The following CFAP299 variants were observed in gnomAD, a reference collection of about 807,000 sequenced individuals.
CFAP299 encodes the protein cilia and flagella associated protein 299, also known as cilia- and flagella-associated protein 299.
CFAP299 carries 21 observed loss-of-function variants against 27.0 expected under a neutral mutation model. The ratio of observed to expected loss-of-function variants is 0.78; its 90% CI spans 0.55 to 1.12. CFAP299 has a LOEUF of 1.12. CFAP299 is among the 50% of genes most tolerant of loss of function. The pLI is 0.00. For missense variants in CFAP299, 310 were observed against 276.6 expected, an observed-to-expected ratio of 1.12 and a Z score of -0.86; for synonymous variants, 104 against 98.1, an observed-to-expected ratio of 1.06 and a Z score of -0.36.
chr4:80,570,272 A>C lies in CFAP299; in HGVS notation c.243-12821A>C, dbSNP rs186370409. 1.2e-3 allele frequency among the ~76,000 whole-genome samples: 181 copies of C among 152,138 alleles called. 1 individual carries two copies. Among genetic ancestry groups the C allele is most frequent in the Middle Eastern group, 3.4e-3 (1 of 294 alleles). On this transcript the variant is annotated intron_variant, in intron 2 of 5. Coordinates refer to ENST00000358105, the MANE Select transcript of CFAP299 (RefSeq NM_152770.3). ...GGAAAAAAGTCTATAACAATGAATA[A>C]TTTTGATATATTGGTATATATTCAA...
intron 2 of CFAP299, among the ~76,000 whole-genome samples, chr4:80,552,503 T>G (rs1364851932): frequency 2.0e-5 from 3 of 152,176 alleles, no homozygotes; most frequent in African/African-American, 7.2e-5. Context: ...GAGTGGTTTA[T>G]TTTATTATCT....
chr4:80,427,813 A>G (rs561970419), intron 2 of CFAP299, among the ~76,000 whole-genome samples: 186 of 152,354 alleles, frequency 1.2e-3, no homozygotes, highest in African/African-American at 4.2e-3. Context: ...TCAACTGCCT[A>G]TAATGCTTAG....
rs540334355 is a variant in CFAP299 at position 80,898,421 on chromosome 4, G to T, written c.476+28286G>T. On this transcript the variant is annotated intron_variant, in intron 4 of 5. Transcript: ENST00000358105. ...CAAACTTAGTCTCTAATATCCAGCT[G>T]CTTCTCCTTCCTCTGCCAGCTGAAC... is the stretch of plus-strand genomic sequence containing the variant. Among the ~76,000 whole-genome samples the T allele has an allele frequency of 3.9e-5, 6 of 152,084 alleles. No homozygotes were observed. In the South Asian group the frequency reaches 1.0e-3, roughly 26 times the overall value.
At chr4:80,889,592 G>A (rs1428198924) in intron 4 of CFAP299, among the ~76,000 whole-genome samples, 3 of 151,952 alleles carry the variant, frequency 2.0e-5, no homozygotes, top group Non-Finnish European at 4.4e-5. Flanking sequence ...GTGAAAAATA[G>A]AGGAAGACAG....
chr4:80,811,485 A>C (rs1729150412), intron 3 of CFAP299, among the ~76,000 whole-genome samples: 3 of 152,142 alleles, frequency 2.0e-5, no homozygotes, highest in South Asian at 4.1e-4. Flanking sequence ...TTGAGCTGTT[A>C]ATAATTAGTG....
intron 2 of CFAP299, among the ~76,000 whole-genome samples, chr4:80,562,693 T>TAATAATAACAAC (rs574418448): frequency 7.8e-6 from 1 of 128,606 alleles, no homozygotes; most frequent in African/African-American, 3.1e-5. Context: ...ATAATAATAA[T>TAATAATAACAAC]AACAACAACA....
intron 3 of CFAP299, chr4:80,639,785 G>GC (rs1368493842): frequency 6.5e-6 from 1 of 153,032 alleles, no homozygotes; most frequent in African/African-American, 2.4e-5. Flanking sequence ...GAATTTTCCT[G>GC]CTTCAGCCTC....
intron 3 of CFAP299, among the ~76,000 whole-genome samples, chr4:80,602,285 G>T (rs1164292194): frequency 6.6e-6 from 1 of 152,182 alleles, no homozygotes; most frequent in Non-Finnish European, 1.5e-5. Flanking sequence ...AGAAATGCTA[G>T]ATATGAGCTT....
rs1373467091 is a variant in CFAP299, at chr4:80,799,758, T to C, written c.334-70235T>C. Among the ~76,000 whole-genome samples, 206 of 50,264 alleles carry C rather than the reference T, an allele frequency of 4.1e-3. 5 individuals carry two copies. Among genetic ancestry groups the C allele is most frequent in the South Asian group, 6.2e-3 (8 of 1,296 alleles). 33.0% of individuals were successfully genotyped at this position (50,264 alleles called of 152,430 possible). On this transcript the variant is annotated intron_variant, in intron 3 of 5. Transcript: ENST00000358105. ...TATATATTTTTATAAATATATAATA[T>C]ATAAATATATTATATGATATATATA...
rs1723994162 is a variant in CFAP299, at chr4:80,737,742, AAAG to A, written c.334-132245_334-132243del. Among the ~76,000 whole-genome samples, 4 of 152,078 alleles carry A rather than the reference AAAG, an allele frequency of 2.6e-5. No homozygotes were observed. The South Asian group carries it at 6.2e-4, about 24-fold the overall frequency. The stretch of plus-strand genomic sequence containing the variant: ...AAAACCACTTTTTAAACAAACAAAA[AAAG>A]AAGAAAAAAATTAAAAAGAAGAAAA... On this transcript the variant is annotated intron_variant, in intron 3 of 5. Coordinates refer to ENST00000358105, the MANE Select transcript of CFAP299 (RefSeq NM_152770.3).
At chr4:80,498,847 A>G (rs1176140600) in intron 2 of CFAP299, among the ~76,000 whole-genome samples, 1 of 152,182 alleles carries the variant, frequency 6.6e-6, no homozygotes, top group African/African-American at 2.4e-5. Flanking sequence ...ATCAATCTAA[A>G]TCATCATCAA....
chr4:80,450,881 T>C (rs1224341739), intron 2 of CFAP299, among the ~76,000 whole-genome samples: 1 of 133,022 alleles, frequency 7.5e-6, no homozygotes, highest in Non-Finnish European at 1.6e-5. Flanking sequence ...AAATAATGGA[T>C]TAATACCGTG....
chr4:80,668,675 GC>G (rs1447070589), intron 3 of CFAP299, among the ~76,000 whole-genome samples: 2 of 152,036 alleles, frequency 1.3e-5, no homozygotes, highest in African/African-American at 4.8e-5. Flanking sequence ...TGTTTTTAAT[GC>G]CAGTATTAAG....
chr4:80,424,899 C>A (rs1727461371), intron 2 of CFAP299, among the ~76,000 whole-genome samples: 2 of 152,214 alleles, frequency 1.3e-5, no homozygotes, highest in South Asian at 4.2e-4. Flanking sequence ...ATGGAAGGGG[C>A]CCTGCATACT....
chr4:80,617,601 A>T (rs1018274183), intron 3 of CFAP299, among the ~76,000 whole-genome samples: 5 of 152,142 alleles, frequency 3.3e-5, no homozygotes, highest in African/African-American at 1.2e-4. Flanking sequence ...CACAATAGAA[A>T]AAAAATTACT....
At chr4:80,372,422 T>C (rs920969784) in intron 2 of CFAP299, among the ~76,000 whole-genome samples, 1 of 152,324 alleles carries the variant, frequency 6.6e-6, no homozygotes, top group East Asian at 1.9e-4. Context: ...TTGATGCTTG[T>C]GTAGCAGGCG....
chr4:80,336,234 C>T (rs1722133610), intron 1 of CFAP299, among the ~76,000 whole-genome samples: 1 of 152,182 alleles, frequency 6.6e-6, no homozygotes, highest in Non-Finnish European at 1.5e-5. Context: ...GAGAAGTCTC[C>T]GGCTGTGATC....
intron 3 of CFAP299, among the ~76,000 whole-genome samples, chr4:80,778,810 G>A (rs528200005): frequency 1.3e-5 from 2 of 151,976 alleles, no homozygotes; most frequent in African/African-American, 4.8e-5. Flanking sequence ...AATATTACAA[G>A]CAGTATATTG....
intron 2 of CFAP299, among the ~76,000 whole-genome samples, chr4:80,438,225 A>G (rs1423982608): frequency 6.6e-6 from 1 of 152,220 alleles, no homozygotes; most frequent in African/African-American, 2.4e-5. Context: ...CTAAGATAAC[A>G]TTTGAATAAA....
Sources: gnomAD v4.1 joint callset for allele counts (sites outside exome capture counted in the v4.1 genomes callset) on GRCh38, gnomAD v4.1.1 for gene constraint, MANE v1.5 for transcripts, NCBI Gene and HGNC (gene_info 2026-07-23, HGNC 2026-07-21) for gene names.